STXBP5L: variants seen among roughly 807,000 people sequenced by gnomAD.
STXBP5L encodes the protein syntaxin-binding protein 5-like.
In STXBP5L, 65 loss-of-function variants were observed where a neutral mutation model predicts 144.5. The ratio of observed to expected loss-of-function variants is 0.45; its 90% confidence interval spans 0.37 to 0.55. The LOEUF (loss-of-function observed/expected upper bound fraction) is 0.55. Ranked by LOEUF, STXBP5L falls within the 20% of genes least tolerant of loss-of-function variation. STXBP5L has a pLI of 0.00. For synonymous variants in STXBP5L, 505 were observed against 469.6 expected (o/e 1.08, Z -0.97); for missense variants, 1,298 against 1,405.5 (o/e 0.92, Z 1.22).
chr3:121,053,668 A>G (rs544337176), intron 5 of STXBP5L, among the ~76,000 whole-genome samples: 4 of 152,358 alleles, frequency 2.6e-5, no homozygotes, highest in Admixed American at 2.6e-4. Context: ...CATTCAGGAC[A>G]TAGGCATGGG....
At chr3:121,206,092 A>T in intron 10 of STXBP5L, 91 bp downstream of exon 10, 1 of 726,578 alleles carries the variant, frequency 1.4e-6, no homozygotes, top group Non-Finnish European at 2.1e-6. Flanking sequence ...TTAAAGTTTT[A>T]CAAAATTGTA....
At chr3:121,286,954 G>A (rs918246370) in intron 19 of STXBP5L, among the ~76,000 whole-genome samples, 1 of 152,150 alleles carries the variant, frequency 6.6e-6, no homozygotes, top group Non-Finnish European at 1.5e-5. Context: ...AGCTTTTTAG[G>A]CTGGGAGATG....
chr3:121,196,282 C>T (rs765756527), intron 9 of STXBP5L, among the ~76,000 whole-genome samples: 22 of 152,046 alleles, frequency 1.4e-4, no homozygotes, highest in Non-Finnish European at 2.2e-4. Flanking sequence ...GCCTCAGCCT[C>T]CCATGACATG....
intron 20 of STXBP5L, among the ~76,000 whole-genome samples, chr3:121,333,770 C>A (rs1213384225): frequency 2.0e-5 from 3 of 152,066 alleles, no homozygotes; most frequent in African/African-American, 7.2e-5. Context: ...ATTACAAAAC[C>A]TAGAAGAGAT....
intron 19 of STXBP5L, among the ~76,000 whole-genome samples, chr3:121,313,580 T>A (rs1422104882): frequency 3.0e-5 from 1 of 32,902 alleles, no homozygotes; most frequent in African/African-American, 1.3e-4. Context: ...CCCCCCCACC[T>A]CCCTCCCGGA....
intron 7 of STXBP5L, among the ~76,000 whole-genome samples, chr3:121,139,091 C>T (rs570518223): frequency 3.3e-5 from 5 of 151,812 alleles, no homozygotes; most frequent in African/African-American, 4.8e-5. Flanking sequence ...GAGTAGAAGT[C>T]AAGGAGAAGA....
intron 3 of STXBP5L, among the ~76,000 whole-genome samples, chr3:120,977,283 C>T (rs892145620): frequency 2.4e-4 from 37 of 152,078 alleles, no homozygotes; most frequent in African/African-American, 8.7e-4. Flanking sequence ...TGAATTGATC[C>T]CTTTACCATT....
chr3:121,223,558 G>C (rs1018670869), intron 11 of STXBP5L, among the ~76,000 whole-genome samples: 6 of 152,104 alleles, frequency 3.9e-5, no homozygotes, highest in African/African-American at 1.4e-4. Context: ...TGTAACTGTG[G>C]TGGTGCTGCA....
chr3:121,056,922 A>G (rs971307976), intron 5 of STXBP5L, among the ~76,000 whole-genome samples: 1 of 151,074 alleles, frequency 6.6e-6, no homozygotes, highest in Non-Finnish European at 1.5e-5. Flanking sequence ...AGACCTTTAA[A>G]CAAATTAGCA....
chr3:121,058,195 G>A (rs982938234), intron 5 of STXBP5L, among the ~76,000 whole-genome samples: 8 of 151,888 alleles, frequency 5.3e-5, no homozygotes, highest in African/African-American at 9.7e-5. Flanking sequence ...CTCATTGTTC[G>A]CCTCCCACTT....
rs377675358 is a variant in STXBP5L at position 121,028,946 on chromosome 3, A to G, written c.288-12754A>G. On this transcript the variant is annotated intron_variant, in intron 3 of 26. Coordinates refer to ENST00000471454, the MANE Select transcript of STXBP5L (RefSeq NM_001308330.2). Reference sequence around the variant, plus strand: ...CATTCACAATTGCTACAAAGAGAATAAAATACCTAGGAATACAACATACAA... The same window carrying G: ...CATTCACAATTGCTACAAAGAGAATGAAATACCTAGGAATACAACATACAA... 3.3e-5 allele frequency among the ~76,000 whole-genome samples: 5 copies of G among 152,170 alleles called. No homozygotes were observed. In the East Asian group the frequency reaches 9.6e-4, roughly 29 times the overall value.
intron 19 of STXBP5L, among the ~76,000 whole-genome samples, chr3:121,310,255 T>A (rs2043479082): frequency 6.6e-6 from 1 of 152,208 alleles, no homozygotes; most frequent in African/African-American, 2.4e-5. Context: ...GAAATTACAA[T>A]AAAAATAATA....
In STXBP5L at chr3:121,254,924, A is replaced by T; in HGVS notation, c.1471A>T (p.Thr491Ser). 6.2e-7 allele frequency: 1 copy of T among 1,613,208 alleles called. No homozygotes were observed. The highest frequency in any genetic ancestry group is 8.5e-7 in the Non-Finnish European group (1 of 1,179,526). Reference protein sequence around the residue: ...ITLQMLYKLKTSKVFEKQKVG... With the variant: ...ITLQMLYKLKSSKVFEKQKVG... ...TCTGCAGATGCTGTACAAGCTAAAA[A>T]CTTCAAAAGTGTTTGAAAAACAGAA... The change falls in exon 16 of 27, where the codon ACT becomes TCT. Residue 491 changes from threonine to serine, a missense_variant. Physicochemically the swap from Thr to Ser is moderately conservative, Grantham distance 58. Coordinates refer to ENST00000471454, the MANE Select transcript of STXBP5L (RefSeq NM_001308330.2).
At chr3:120,922,124 T>G (rs1247921860) in intron 2 of STXBP5L, among the ~76,000 whole-genome samples, 1 of 152,050 alleles carries the variant, frequency 6.6e-6, no homozygotes, top group Non-Finnish European at 1.5e-5. Flanking sequence ...GTTTGTGTCC[T>G]CGTCAATTCC....
intron 5 of STXBP5L, among the ~76,000 whole-genome samples, chr3:121,092,399 A>T (rs540151058): frequency 6.4e-4 from 97 of 152,296 alleles, no homozygotes; most frequent in African/African-American, 2.2e-3. Context: ...CTTCCTACCC[A>T]TGAGCATGGA....
intron 20 of STXBP5L, among the ~76,000 whole-genome samples, chr3:121,358,295 A>G (rs1167092533): frequency 6.7e-6 from 1 of 150,180 alleles, no homozygotes; most frequent in Non-Finnish European, 1.5e-5. Flanking sequence ...TAATTTTCGT[A>G]TTAGTCCATT....
intron 18 of STXBP5L, among the ~76,000 whole-genome samples, chr3:121,273,824 G>C (rs991216472): frequency 2.0e-5 from 3 of 151,956 alleles, no homozygotes; most frequent in Admixed American, 6.6e-5. Context: ...GGCTAGCAGA[G>C]CTCTCTACTG....
chr3:120,968,427 G>C (rs765233034), intron 3 of STXBP5L, among the ~76,000 whole-genome samples: 1 of 152,004 alleles, frequency 6.6e-6, no homozygotes, highest in African/African-American at 2.4e-5. Context: ...TACTGCTGCT[G>C]TATGTTGGCT....
chr3:121,353,625 A>G (rs2045389549), intron 20 of STXBP5L, among the ~76,000 whole-genome samples: 1 of 152,130 alleles, frequency 6.6e-6, no homozygotes, highest in South Asian at 2.1e-4. Flanking sequence ...GATCTTTTCA[A>G]AAAACCAGCT....
Sources: gnomAD v4.1 joint callset for allele counts (sites outside exome capture counted in the v4.1 genomes callset) on GRCh38, gnomAD v4.1.1 for gene constraint, MANE v1.5 for transcripts, NCBI Gene and HGNC (gene_info 2026-07-23, HGNC 2026-07-21) for gene names.